Variants in NUBPL observed in about 807,000 individuals in gnomAD.
NUBPL encodes iron-sulfur cluster transfer protein NUBPL.
A neutral mutation model predicts 45.7 loss-of-function variants in NUBPL; 31 were observed. The observed-to-expected ratio is 0.68, with a 90% CI of 0.51 to 0.92. NUBPL has a LOEUF of 0.92. Ranked by LOEUF, NUBPL falls within the 40% of genes least tolerant of loss-of-function variation. NUBPL has a pLI of 0.00. For synonymous variants in NUBPL, 144 were observed against 140.9 expected (o/e 1.02, Z -0.15); for missense variants, 401 against 398.7 (o/e 1.01, Z -0.05).
intron 6 of NUBPL, chr14:31,771,826 C>T: frequency 1.0e-6 from 1 of 984,022 alleles, no homozygotes; most frequent in Non-Finnish European, 1.2e-6. Context: ...CCCATTTCCA[C>T]CCGAGGGACC....
intron 4 of NUBPL, among the ~76,000 whole-genome samples, chr14:31,648,541 A>T (rs1394958680): frequency 1.3e-5 from 2 of 152,180 alleles, no homozygotes; most frequent in African/African-American, 2.4e-5. Context: ...AGTCGTGGTG[A>T]TATTACATGT....
Position 31,623,777 on chromosome 14 carries a change from G to C in NUBPL, c.382+24398G>C, listed in dbSNP as rs192085235. Among the ~76,000 whole-genome samples, 302 of 152,266 alleles carry C rather than the reference G, an allele frequency of 2.0e-3. 3 individuals carry two copies. In the South Asian group the frequency reaches 0.028, roughly 14 times the overall value. ...CTAATACGTATGGCAATCAAGGGAGGGGGAATAGCAGGTGTTAAAAGTTGC... is the reference window on the plus strand; with the variant it reads ...CTAATACGTATGGCAATCAAGGGAGCGGGAATAGCAGGTGTTAAAAGTTGC... On this transcript the variant is annotated intron_variant, in intron 4 of 10. Transcript: ENST00000281081.
chr14:31,622,149 G>C (rs1420869118), intron 4 of NUBPL, among the ~76,000 whole-genome samples: 1 of 152,204 alleles, frequency 6.6e-6, no homozygotes, highest in East Asian at 1.9e-4. Context: ...CTAGAGAGTT[G>C]TGGAACTTTG....
intron 7 of NUBPL, among the ~76,000 whole-genome samples, chr14:31,816,166 G>A (rs558091826): frequency 1.3e-5 from 2 of 152,012 alleles, no homozygotes; most frequent in South Asian, 2.1e-4. Flanking sequence ...TCTGATCCTC[G>A]CTTTTATTGG....
At chr14:31,683,610 C>A (rs954796838) in intron 6 of NUBPL, among the ~76,000 whole-genome samples, 1 of 152,260 alleles carries the variant, frequency 6.6e-6, no homozygotes, top group Non-Finnish European at 1.5e-5. Flanking sequence ...CTCAGCCCCC[C>A]AAAGTGCTGG....
rs143546935 is a variant in NUBPL at position 31,787,975 on chromosome 14, A to G, written c.607+102A>G. On this transcript the variant is annotated intron_variant, in intron 7 of 10. Coordinates refer to ENST00000281081, the MANE Select transcript of NUBPL (RefSeq NM_025152.3). ...GTTAGGCAAATATTTTGCCTTAAAA[A>G]TATTCATTCACTTATAAATTTTTCA... The G allele has an allele frequency of 6.3e-4, 462 of 733,160 alleles. 1 individual carries two copies. In the African/African-American group the frequency reaches 6.9e-3, roughly 11 times the overall value. 45.4% of individuals were successfully genotyped at this position (733,160 alleles called of 1,614,324 possible). A position where few individuals can be genotyped will look rare whatever the true frequency, so the allele number is the denominator to read the frequency against.
At chr14:31,851,921 AG>A (rs1221854034) in intron 10 of NUBPL, among the ~76,000 whole-genome samples, 1 of 152,214 alleles carries the variant, frequency 6.6e-6, no homozygotes, top group South Asian at 2.1e-4. Context: ...ATCCTCCAGA[AG>A]TAAGAAACAT....
chr14:31,776,602 C>T (rs1020178869), intron 6 of NUBPL, among the ~76,000 whole-genome samples: 7 of 152,192 alleles, frequency 4.6e-5, no homozygotes, highest in African/African-American at 1.7e-4. Context: ...CTCCTTAGTC[C>T]AAGCACTTAG....
At chr14:31,562,597 T>G (rs941887574) in intron 2 of NUBPL, among the ~76,000 whole-genome samples, 1 of 124,428 alleles carries the variant, frequency 8.0e-6, no homozygotes, top group South Asian at 2.7e-4. Context: ...AGTAACTTTT[T>G]TTTTTTGTTT....
intron 2 of NUBPL, among the ~76,000 whole-genome samples, chr14:31,564,437 G>A (rs1003190443): frequency 1.3e-5 from 2 of 149,612 alleles, no homozygotes; most frequent in Non-Finnish European, 3.0e-5. Flanking sequence ...TGCCTGTAAT[G>A]CCAGCACTTT....
intron 6 of NUBPL, among the ~76,000 whole-genome samples, chr14:31,755,440 G>A (rs1414566866): frequency 1.3e-5 from 2 of 152,198 alleles, no homozygotes; most frequent in African/African-American, 4.8e-5. Context: ...GCATTTCTCT[G>A]ATGGCCGGTG....
chr14:31,813,536 T>C (rs1038097005), intron 7 of NUBPL, among the ~76,000 whole-genome samples: 4 of 149,438 alleles, frequency 2.7e-5, no homozygotes, highest in South Asian at 2.1e-4. Flanking sequence ...CATACATCCA[T>C]ACACACACAC....
intron 7 of NUBPL, among the ~76,000 whole-genome samples, chr14:31,820,133 C>T (rs2039990695): frequency 9.4e-6 from 1 of 106,498 alleles, no homozygotes; most frequent in Non-Finnish European, 1.8e-5. Flanking sequence ...GAGCGAGACT[C>T]CATCTCAAAA....
intron 6 of NUBPL, among the ~76,000 whole-genome samples, chr14:31,722,258 C>T (rs1255121915): frequency 6.6e-6 from 1 of 152,174 alleles, no homozygotes; most frequent in Non-Finnish European, 1.5e-5. Context: ...GATACACCCA[C>T]CTTGGCCTCC....
intron 4 of NUBPL, among the ~76,000 whole-genome samples, chr14:31,666,879 C>G (rs1051084759): frequency 3.3e-5 from 5 of 152,070 alleles, no homozygotes; most frequent in African/African-American, 1.2e-4. Flanking sequence ...GAATGTTGGC[C>G]CCTACTCTCT....
At chr14:31,628,974 A>T (rs916536131) in intron 4 of NUBPL, among the ~76,000 whole-genome samples, 1 of 152,214 alleles carries the variant, frequency 6.6e-6, no homozygotes, top group Non-Finnish European at 1.5e-5. Flanking sequence ...CTAAGGTGCC[A>T]GCAGTTTTAC....
chr14:31,711,077 A>G (rs1306365604), intron 6 of NUBPL, among the ~76,000 whole-genome samples: 1 of 152,224 alleles, frequency 6.6e-6, no homozygotes, highest in Non-Finnish European at 1.5e-5. Context: ...CCAGGAGGCA[A>G]GGGTCAGGAT....
At chr14:31,858,454 G>A (rs1011770053) in intron 10 of NUBPL, among the ~76,000 whole-genome samples, 4 of 152,146 alleles carry the variant, frequency 2.6e-5, no homozygotes, top group African/African-American at 9.7e-5. Flanking sequence ...TTATTTAAAG[G>A]AACTCTTAAA....
intron 6 of NUBPL, among the ~76,000 whole-genome samples, chr14:31,764,895 G>T (rs1406450527): frequency 6.6e-6 from 1 of 152,122 alleles, no homozygotes; most frequent in Non-Finnish European, 1.5e-5. Context: ...TCTTTCTCCA[G>T]TTCTTAATCC....
Sources: allele counts gnomAD v4.1 joint callset (sites outside exome capture counted in the v4.1 genomes callset), GRCh38; gene constraint gnomAD v4.1.1; transcripts MANE v1.5; gene names NCBI Gene and HGNC (gene_info 2026-07-23, HGNC 2026-07-21).